The following SF3B1 variants were observed in gnomAD, a reference collection of about 807,000 sequenced individuals.
The protein encoded by SF3B1 is pre-mRNA processing 10.
SF3B1 carries 12 observed loss-of-function variants against 153.8 expected under a neutral mutation model. The ratio of observed to expected loss-of-function variants is 0.08; its 90% CI spans 0.05 to 0.13. The LOEUF (loss-of-function observed/expected upper bound fraction) is 0.13, where lower values mean the gene tolerates loss of function less well. Ranked by LOEUF, SF3B1 falls within the 10% of genes least tolerant of loss-of-function variation. The pLI is 1.00. For missense variants in SF3B1, 513 were observed against 1,606.1 expected, an observed-to-expected ratio of 0.32 and a Z score of 11.63; for synonymous variants, 498 against 525.2, an observed-to-expected ratio of 0.95 and a Z score of 0.71.
chr2:197,417,756 A>AAAAC (rs138785761), intron 5 of SF3B1, among the ~76,000 whole-genome samples: 2 of 152,052 alleles, frequency 1.3e-5, no homozygotes, highest in Non-Finnish European at 2.9e-5. Flanking sequence ...GACTCCACTC[A>AAAAC]AAACAAACAA....
rs776675509 is a variant in SF3B1, at chr2:197,392,378, G to C, written c.3840C>G (p.Leu1280=). The change falls in exon 25 of 25, where the codon CTC becomes CTG. Residue 1280 remains leucine (L), a synonymous_variant. Transcript: ENST00000335508. ...NSIYIGSQDA[L]IAHYPRIYND... The stretch of plus-strand genomic sequence containing the variant: ...TGTAGATTCTTGGGTAATGTGCTAT[G>C]AGAGCGTCCTGGGAACCAATGTAGA... The C allele has an allele frequency of 6.2e-7, 1 of 1,607,174 alleles. No homozygotes were observed. The highest frequency in any genetic ancestry group is 8.5e-7 in the Non-Finnish European group (1 of 1,173,818).
In SF3B1 at chr2:197,390,297, A is replaced by C. The variant is rs151330816; in HGVS notation, c.*2006T>G. On this transcript the variant is annotated 3_prime_UTR_variant, in exon 25 of 25. Coordinates refer to ENST00000335508, the MANE Select transcript of SF3B1 (RefSeq NM_012433.4). ...ACCAGAGGCCAAGCAAACGTAGGCT[A>C]CTAAGTACTTGAATTGAAAATACAA... is the stretch of plus-strand genomic sequence containing the variant. 1 of 152,354 alleles carries C rather than the reference A, an allele frequency of 6.6e-6. No homozygotes were observed. Among genetic ancestry groups the C allele is most frequent in the Non-Finnish European group, 1.5e-5 (1 of 68,034 alleles). The allele number at this position is 152,354 out of a possible 1,614,324, so 9.4% of individuals were successfully genotyped here. A position where few individuals can be genotyped will look rare whatever the true frequency, so the allele number is the denominator to read the frequency against.
At chr2:197,399,732 G>C (rs947940343) in intron 20 of SF3B1, among the ~76,000 whole-genome samples, 14 of 152,092 alleles carry the variant, frequency 9.2e-5, no homozygotes, top group African/African-American at 3.4e-4. Flanking sequence ...CCCCGCAGCA[G>C]AACATGGCAG....
intron 22 of SF3B1, among the ~76,000 whole-genome samples, chr2:197,396,606 A>AT (rs1186315575): frequency 6.6e-6 from 1 of 152,232 alleles, no homozygotes; most frequent in African/African-American, 2.4e-5. Context: ...TTCAAATGTA[A>AT]TTTTCAGTTC....
intron 4 of SF3B1, 196 bp downstream of exon 4, chr2:197,420,232 C>T (rs1028663368): frequency 1.5e-5 from 7 of 461,194 alleles, no homozygotes; most frequent in Non-Finnish European, 2.8e-5. Flanking sequence ...GTCCTTCTAC[C>T]TGGAAAGAAA....
intron 1 of SF3B1, among the ~76,000 whole-genome samples, chr2:197,426,223 TTC>T (rs1399840523): frequency 4.0e-5 from 6 of 151,836 alleles, no homozygotes; most frequent in African/African-American, 1.5e-4. Flanking sequence ...CTACTTTTGT[TTC>T]TGTTTGTAGT....
chr2:197,427,636 G>A (rs900943265), intron 1 of SF3B1, among the ~76,000 whole-genome samples: 1 of 152,112 alleles, frequency 6.6e-6, no homozygotes, highest in Non-Finnish European at 1.5e-5. Flanking sequence ...GAAAAAATAC[G>A]GCAGAAAATG....
chr2:197,424,584 A>T (rs942948538), intron 1 of SF3B1, among the ~76,000 whole-genome samples: 1 of 151,908 alleles, frequency 6.6e-6, no homozygotes, highest in African/African-American at 2.4e-5. Flanking sequence ...AACAGCTTCT[A>T]TAGATTCTTT....
chr2:197,426,595 A>G (rs2106019533), intron 1 of SF3B1, among the ~76,000 whole-genome samples: 1 of 152,294 alleles, frequency 6.6e-6, no homozygotes, highest in South Asian at 2.1e-4. Flanking sequence ...ATAGTCTGCA[A>G]TCTCCTCTAC....
chr2:197,423,304 T>C (rs1419191097), intron 2 of SF3B1, among the ~76,000 whole-genome samples: 1 of 151,502 alleles, frequency 6.6e-6, no homozygotes, highest in Admixed American at 6.6e-5. Context: ...GGAGAATCAC[T>C]TGAAACCGGG....
chr2:197,428,137 A>T (rs2085364621), intron 1 of SF3B1, among the ~76,000 whole-genome samples: 1 of 152,048 alleles, frequency 6.6e-6, no homozygotes, highest in Non-Finnish European at 1.5e-5. Context: ...AACATGATGA[A>T]ACCCTGTCTC....
intron 6 of SF3B1, 76 bp from the exon 7 acceptor site, chr2:197,410,083 T>C: frequency 9.5e-7 from 1 of 1,050,490 alleles, no homozygotes; most frequent in Non-Finnish European, 1.4e-6. Context: ...ATAAAAAACT[T>C]TAAACGAAAA....
chr2:197,409,166 G>A (rs773752896), intron 7 of SF3B1, among the ~76,000 whole-genome samples: 17 of 151,968 alleles, frequency 1.1e-4, no homozygotes, highest in Non-Finnish European at 1.6e-4. Flanking sequence ...TCAGAAGGCC[G>A]AGGGGGGCAG....
Position 197,434,976 on chromosome 2 carries a change from G to C in SF3B1, c.24C>G (p.His8Gln). The C allele has an allele frequency of 1.9e-6, 3 of 1,614,204 alleles. No homozygotes were observed. Among genetic ancestry groups the C allele is most frequent in the Non-Finnish European group, 1.7e-6 (2 of 1,179,974 alleles). MAKIAKT[H>Q]EDIEAQIREI... Reference sequence around the variant, plus strand: ...AAGCAGGGAAAGACCGCTTACCTTCGTGAGTCTTGGCGATCTTCGCCATTT... The same window carrying C: ...AAGCAGGGAAAGACCGCTTACCTTCCTGAGTCTTGGCGATCTTCGCCATTT... Residue 8 changes from histidine to glutamine, a missense_variant, in exon 1 of 25, where the codon CAC becomes CAG. This residue lies in a region of SF3B1 where 27 missense variants were observed against 26.7 expected (regional missense o/e 1.01). Transcript: ENST00000335508.
Position 197,402,511 on chromosome 2 carries a change from C to T in SF3B1, c.2077+45G>A, listed in dbSNP as rs2105986322. 1.3e-6 allele frequency: 2 copies of T among 1,554,088 alleles called. No homozygotes were observed. Among genetic ancestry groups the T allele is most frequent in the East Asian group, 4.5e-5 (2 of 44,432 alleles). On this transcript the variant is annotated intron_variant, in intron 14 of 24. Transcript: ENST00000335508. The surrounding 1 kb of genome is among the most constrained non-coding windows in gnomAD (Gnocchi z 4.6). ...TCTGGGCAACATAGTAAGACCCTGT[C>T]TCCTAAAGAAAAAAAAAAAAAGACA...
rs1268000441 is a variant in SF3B1 at position 197,397,977 on chromosome 2, A to T, written c.3266+8T>A. 1 of 1,601,290 alleles carries T rather than the reference A, an allele frequency of 6.2e-7. No homozygotes were observed. Among genetic ancestry groups the T allele is most frequent in the Admixed American group, 1.7e-5 (1 of 57,274 alleles). On this transcript the variant is annotated splice_region_variant and intron_variant, in intron 22 of 24. Transcript: ENST00000335508. Reference sequence around the variant, plus strand: ...AATTTTTTTTTAATGGAAGTAAATAACACTCACCCAATGGCCTTTGCAATA... The same window carrying T: ...AATTTTTTTTTAATGGAAGTAAATATCACTCACCCAATGGCCTTTGCAATA...
intron 20 of SF3B1, chr2:197,398,864 TGACATTTAAATATGGG>T (rs1303786036): frequency 2.1e-6 from 1 of 470,046 alleles, no homozygotes; most frequent in Non-Finnish European, 4.1e-6. Flanking sequence ...ATTTGTGCAC[TGACATTTAAATATGGG>T]GACAGCTTAT....
In SF3B1 at chr2:197,409,927, T is replaced by C; in HGVS notation, c.747A>G (p.Pro249=). ...AKGSETPGAT[P]GSKIWDPTPS... ...GTGTAGGATCCCATATTTTTGAGCC[T>C]GGGGTTGCTCCAGGAGTCTCGCTTC... The change falls in exon 7 of 25, where the codon CCA becomes CCG. Residue 249 remains proline, a synonymous_variant. Coordinates refer to ENST00000335508, the MANE Select transcript of SF3B1 (RefSeq NM_012433.4). 1 of 1,614,212 alleles carries C rather than the reference T, an allele frequency of 6.2e-7. No individual in the cohort carries two copies. Among genetic ancestry groups the C allele is most frequent in the Non-Finnish European group, 8.5e-7 (1 of 1,180,032 alleles).
intron 20 of SF3B1, chr2:197,399,096 C>T: frequency 1.6e-6 from 2 of 1,289,550 alleles, no homozygotes; most frequent in Non-Finnish European, 2.0e-6. Context: ...ACTAGAATCA[C>T]TTGCTCTGAT....
Sources: allele counts gnomAD v4.1 joint callset (sites outside exome capture counted in the v4.1 genomes callset), GRCh38; gene constraint gnomAD v4.1.1; regional missense constraint gnomAD v4.1.1; non-coding constraint Gnocchi (gnomAD v3.1); transcripts MANE v1.5; gene names NCBI Gene and HGNC (gene_info 2026-07-23, HGNC 2026-07-21).